ZNF385D: variants seen among roughly 807,000 people sequenced by gnomAD.
The protein encoded by ZNF385D is zinc finger protein 659.
In ZNF385D, 15 loss-of-function variants were observed where a neutral mutation model predicts 35.8. That is an observed-to-expected ratio of 0.42 (90% CI 0.28 to 0.64). ZNF385D has a LOEUF of 0.64. Among genes scored for constraint, ZNF385D ranks in the 30% least tolerant of loss-of-function variants. The probability of loss-of-function intolerance (pLI) is 0.23; values close to 1 mark genes in which losing one functional copy is unlikely to be tolerated. For missense variants in ZNF385D, 474 were observed against 494.6 expected, an observed-to-expected ratio of 0.96 and a Z score of 0.39; for synonymous variants, 212 against 186.8, an observed-to-expected ratio of 1.13 and a Z score of -1.10.
chr3:22,367,931 G>T (rs756482256), intron 2 of ZNF385D, among the ~76,000 whole-genome samples: 1 of 152,062 alleles, frequency 6.6e-6, no homozygotes, highest in Non-Finnish European at 1.5e-5. Context: ...ATTCTCATGG[G>T]GACAAATAGG....
chr3:22,137,187 T>C (rs569745271), intron 3 of ZNF385D, among the ~76,000 whole-genome samples: 1 of 152,090 alleles, frequency 6.6e-6, no homozygotes, highest in Non-Finnish European at 1.5e-5. Flanking sequence ...TACTTAAGAA[T>C]AGTTCATTAA....
intron 3 of ZNF385D, among the ~76,000 whole-genome samples, chr3:21,900,972 G>A (rs1646572326): frequency 6.6e-6 from 1 of 152,276 alleles, no homozygotes; most frequent in Admixed American, 6.5e-5. Context: ...AAAGCCACCA[G>A]CCAGGTCTTG....
chr3:21,889,971 GAATTTTC>G, intron 3 of ZNF385D, among the ~76,000 whole-genome samples: 1 of 152,002 alleles, frequency 6.6e-6, no homozygotes, highest in Admixed American at 6.6e-5. Flanking sequence ...GCCTGTGTGT[GAATTTTC>G]CCCTTTTTAT....
chr3:21,562,156 C>T (rs2062973490), intron 3 of ZNF385D: 1 of 152,116 alleles, frequency 6.6e-6, no homozygotes, highest in Non-Finnish European at 1.5e-5. Flanking sequence ...TATTGATGCC[C>T]ATTCTACTTT....
At chr3:21,854,771 T>C (rs79977790) in intron 3 of ZNF385D, among the ~76,000 whole-genome samples, 5,812 of 152,016 alleles carry the variant, frequency 0.038, 383 homozygotes, top group African/African-American at 0.13. Flanking sequence ...ACTTAATAAA[T>C]ATTTGTTGAC....
intron 3 of ZNF385D, among the ~76,000 whole-genome samples, chr3:21,970,600 T>C (rs1703186250): frequency 6.7e-6 from 1 of 149,612 alleles, no homozygotes; most frequent in Non-Finnish European, 1.5e-5. Flanking sequence ...TTATTGGCCT[T>C]AAAGAGTAGA....
chr3:21,684,758 A>G (rs984472905), intron 1 of ZNF385D, among the ~76,000 whole-genome samples: 22 of 152,268 alleles, frequency 1.4e-4, no homozygotes, highest in Middle Eastern at 3.4e-3. Context: ...CAGATTTCCA[A>G]AGAATTTTCC....
chr3:21,739,186 C>A (rs756852773), intron 1 of ZNF385D, among the ~76,000 whole-genome samples: 1 of 152,182 alleles, frequency 6.6e-6, no homozygotes, highest in Non-Finnish European at 1.5e-5. Context: ...GTGGTAGACT[C>A]TAGTCACTAC....
At chr3:22,042,678 G>T (rs1294446204) in intron 3 of ZNF385D, among the ~76,000 whole-genome samples, 1 of 152,022 alleles carries the variant, frequency 6.6e-6, no homozygotes. Context: ...CTCCTCTAAA[G>T]GATCAAAAGT....
intron 3 of ZNF385D, among the ~76,000 whole-genome samples, chr3:21,967,347 A>G (rs1702969707): frequency 6.6e-6 from 1 of 152,224 alleles, no homozygotes; most frequent in Non-Finnish European, 1.5e-5. Flanking sequence ...TCTTAAAGCC[A>G]CTTAAGCATT....
chr3:22,170,206 G>T (rs554961786), intron 2 of ZNF385D, among the ~76,000 whole-genome samples: 2 of 152,124 alleles, frequency 1.3e-5, no homozygotes, highest in Non-Finnish European at 2.9e-5. Context: ...GCATTTATGA[G>T]CTGACTGCTA....
chr3:22,022,280 C>T (rs1697267521), intron 3 of ZNF385D, among the ~76,000 whole-genome samples: 1 of 152,054 alleles, frequency 6.6e-6, no homozygotes, highest in Non-Finnish European at 1.5e-5. Context: ...ATCATGTTAA[C>T]AGTTTTAATT....
At chr3:21,908,424 C>T (rs539262173) in intron 3 of ZNF385D, among the ~76,000 whole-genome samples, 1 of 152,120 alleles carries the variant, frequency 6.6e-6, no homozygotes, top group Non-Finnish European at 1.5e-5. Flanking sequence ...CAATTCTGGG[C>T]ACCTACTGTG....
rs187053176 is a variant in ZNF385D at position 22,269,632 on chromosome 3, G to A, written c.107-100597C>T. ...ATGCACAGATTGAAGAGTGAAATTA[G>A]AATTAAATGACAAAGTAGGAAAAAG... On this transcript the variant is annotated intron_variant, in intron 2 of 5. Transcript: ENST00000494108. Among the ~76,000 whole-genome samples the A allele has an allele frequency of 7.9e-5, 12 of 151,982 alleles. No individual in the cohort carries two copies. The East Asian group carries it at 2.0e-3, about 25-fold the overall frequency.
chr3:21,521,963 A>C (rs1707935689), intron 3 of ZNF385D, among the ~76,000 whole-genome samples: 1 of 152,156 alleles, frequency 6.6e-6, no homozygotes, highest in Non-Finnish European at 1.5e-5. Context: ...AATTATGTCG[A>C]AGTATCTATG....
intron 4 of ZNF385D, among the ~76,000 whole-genome samples, chr3:21,496,239 A>G (rs962092689): frequency 2.0e-5 from 3 of 148,436 alleles, no homozygotes; most frequent in Non-Finnish European, 4.5e-5. Context: ...TGGCAGAGAT[A>G]AAAAGTAAAT....
chr3:21,462,357 C>T (rs1703232487), intron 4 of ZNF385D, among the ~76,000 whole-genome samples: 1 of 152,072 alleles, frequency 6.6e-6, no homozygotes, highest in South Asian at 2.1e-4. Flanking sequence ...ATAGAACCAA[C>T]TGAAAGAGAG....
chr3:21,922,058 G>A (rs1329346321), intron 3 of ZNF385D, among the ~76,000 whole-genome samples: 4 of 151,922 alleles, frequency 2.6e-5, no homozygotes, highest in East Asian at 1.9e-4. Flanking sequence ...GAAAATGACA[G>A]GTCAATATTC....
intron 2 of ZNF385D, among the ~76,000 whole-genome samples, chr3:22,284,590 G>A (rs953603797): frequency 3.3e-5 from 5 of 151,594 alleles, no homozygotes; most frequent in Non-Finnish European, 7.4e-5. Flanking sequence ...TTTAAGAACC[G>A]CTAGACACTG....
Sources: gnomAD v4.1 joint callset for allele counts (sites outside exome capture counted in the v4.1 genomes callset) on GRCh38, gnomAD v4.1.1 for gene constraint, MANE v1.5 for transcripts, NCBI Gene and HGNC (gene_info 2026-07-23, HGNC 2026-07-21) for gene names.